Variants in FSTL5 observed in about 807,000 individuals in gnomAD.
FSTL5 encodes follistatin like 5, also known as follistatin-related protein 5.
A neutral mutation model predicts 89.1 loss-of-function variants in FSTL5; 62 were observed. That is an observed-to-expected ratio of 0.70 (90% CI 0.57 to 0.86). FSTL5 has a LOEUF of 0.86. Ranked by LOEUF, FSTL5 falls within the 40% of genes least tolerant of loss-of-function variation. The pLI, the probability that FSTL5 is intolerant of heterozygous loss-of-function variation, is 0.00. For missense variants in FSTL5, 1,057 were observed against 1,001.6 expected, an observed-to-expected ratio of 1.06 and a Z score of -0.75; for synonymous variants, 383 against 346.2, an observed-to-expected ratio of 1.11 and a Z score of -1.18.
chr4:161,640,272 T>A (rs191205347), intron 7 of FSTL5, among the ~76,000 whole-genome samples: 5 of 152,226 alleles, frequency 3.3e-5, no homozygotes, highest in Non-Finnish European at 5.9e-5. Context: ...AACATGTATA[T>A]GAAGAAATGG....
intron 6 of FSTL5, among the ~76,000 whole-genome samples, chr4:161,731,128 G>A (rs1227863305): frequency 6.6e-6 from 1 of 152,076 alleles, no homozygotes; most frequent in African/African-American, 2.4e-5. Flanking sequence ...AGTGATGTAG[G>A]CTAAACTGCA....
chr4:161,539,237 G>A (rs1010321825), intron 9 of FSTL5, among the ~76,000 whole-genome samples: 1 of 151,368 alleles, frequency 6.6e-6, no homozygotes, highest in Non-Finnish European at 1.5e-5. Context: ...GTTCCATGTT[G>A]TTCAGTTACA....
chr4:161,817,070 G>A (rs953395534), intron 4 of FSTL5, among the ~76,000 whole-genome samples: 1 of 152,096 alleles, frequency 6.6e-6, no homozygotes, highest in African/African-American at 2.4e-5. Context: ...TACTAACAAT[G>A]ATTAAGTTTA....
intron 7 of FSTL5, among the ~76,000 whole-genome samples, chr4:161,646,013 C>T (rs1410728390): frequency 1.3e-5 from 2 of 151,456 alleles, no homozygotes; most frequent in Non-Finnish European, 1.5e-5. Flanking sequence ...TCCTCTAATA[C>T]ACTCTATATT....
intron 2 of FSTL5, among the ~76,000 whole-genome samples, chr4:162,061,299 AG>A (rs1309432721): frequency 6.6e-6 from 1 of 152,102 alleles, no homozygotes; most frequent in East Asian, 1.9e-4. Flanking sequence ...GGAATGATGA[AG>A]ACAAAGGGAA....
chr4:161,502,499 C>T (rs1250801735), intron 11 of FSTL5, among the ~76,000 whole-genome samples: 1 of 151,752 alleles, frequency 6.6e-6, no homozygotes, highest in Non-Finnish European at 1.5e-5. Context: ...ATTCTTAGTG[C>T]TTATGAAACA....
chr4:161,485,381 T>C (rs1259806249), intron 12 of FSTL5, among the ~76,000 whole-genome samples: 2 of 152,234 alleles, frequency 1.3e-5, no homozygotes, highest in Admixed American at 6.5e-5. Context: ...TCCATTCTGA[T>C]TGCCTAATTA....
At chr4:161,655,081 T>C (rs1736469321) in intron 7 of FSTL5, among the ~76,000 whole-genome samples, 1 of 152,194 alleles carries the variant, frequency 6.6e-6, no homozygotes, top group African/African-American at 2.4e-5. Context: ...ATATTTCTTA[T>C]TTCGAATACA....
intron 4 of FSTL5, among the ~76,000 whole-genome samples, chr4:161,902,651 T>C (rs1415686556): frequency 6.6e-6 from 1 of 151,884 alleles, no homozygotes; most frequent in Admixed American, 6.6e-5. Context: ...ATCGAGACCA[T>C]CCTGGCTAAC....
chr4:162,018,631 G>A (rs1315816140), intron 3 of FSTL5, among the ~76,000 whole-genome samples: 2 of 119,380 alleles, frequency 1.7e-5, no homozygotes, highest in Non-Finnish European at 3.4e-5. Flanking sequence ...TTTTGTGTCC[G>A]ATAGCTTTAC....
intron 7 of FSTL5, among the ~76,000 whole-genome samples, chr4:161,653,632 T>A (rs947399781): frequency 6.6e-6 from 1 of 152,294 alleles, no homozygotes; most frequent in Non-Finnish European, 1.5e-5. Context: ...ATATATATGT[T>A]GTTTATTTAC....
At chr4:161,992,897 T>C (rs1736164723) in intron 3 of FSTL5, among the ~76,000 whole-genome samples, 1 of 13,784 alleles carries the variant, frequency 7.3e-5, no homozygotes, top group East Asian at 1.6e-3. Flanking sequence ...TATATATATA[T>C]GTGTGTGTAT....
intron 2 of FSTL5, among the ~76,000 whole-genome samples, chr4:162,061,887 T>A (rs893510643): frequency 6.6e-6 from 1 of 152,138 alleles, no homozygotes; most frequent in African/African-American, 2.4e-5. Context: ...GGTAGCTTTT[T>A]GAAAGTTTAA....
chr4:161,542,999 G>T (rs1185895054), intron 8 of FSTL5, among the ~76,000 whole-genome samples: 1 of 151,744 alleles, frequency 6.6e-6, no homozygotes, highest in Non-Finnish European at 1.5e-5. Context: ...AGTTAAAAGA[G>T]ACTCCAATTT....
intron 15 of FSTL5, among the ~76,000 whole-genome samples, chr4:161,441,271 C>T (rs1479552021): frequency 6.6e-6 from 1 of 152,216 alleles, no homozygotes; most frequent in South Asian, 2.1e-4. Flanking sequence ...TTCTCTACAA[C>T]ACCAATATTA....
At chr4:161,673,305 T>A (rs1737184665) in intron 6 of FSTL5, among the ~76,000 whole-genome samples, 2 of 152,092 alleles carry the variant, frequency 1.3e-5, no homozygotes, top group African/African-American at 2.4e-5. Flanking sequence ...GGCATTTTTT[T>A]ACATGTAAAA....
At chr4:161,652,587 C>T (rs1736378407) in intron 7 of FSTL5, among the ~76,000 whole-genome samples, 1 of 151,960 alleles carries the variant, frequency 6.6e-6, no homozygotes, top group Admixed American at 6.6e-5. Flanking sequence ...ATTATATATG[C>T]AATGCATGAA....
At chr4:161,708,651 C>T (rs1738669856) in intron 6 of FSTL5, among the ~76,000 whole-genome samples, 2 of 151,642 alleles carry the variant, frequency 1.3e-5, no homozygotes. Context: ...TTCATTTTAT[C>T]TTTCCCTCCT....
intron 4 of FSTL5, among the ~76,000 whole-genome samples, chr4:161,898,365 G>GT (rs1266537836): frequency 4.0e-5 from 6 of 151,496 alleles, no homozygotes; most frequent in Middle Eastern, 3.4e-3. Context: ...TTGAGTGCAG[G>GT]TTTTTTTCTT....
Sources: allele counts gnomAD v4.1 joint callset (sites outside exome capture counted in the v4.1 genomes callset), GRCh38; gene constraint gnomAD v4.1.1; transcripts MANE v1.5; gene names NCBI Gene and HGNC (gene_info 2026-07-23, HGNC 2026-07-21).